The following ECI2 variants were observed in gnomAD, a reference collection of about 807,000 sequenced individuals.
ECI2 encodes D3,D2-enoyl-CoA isomerase.
ECI2 carries 27 observed loss-of-function variants against 38.4 expected under a neutral mutation model. The observed-to-expected ratio is 0.70, with a 90% CI of 0.52 to 0.97. The LOEUF (loss-of-function observed/expected upper bound fraction) is 0.97. ECI2 is among the 50% of genes least tolerant of loss of function. The probability of loss-of-function intolerance (pLI) is 0.00; values close to 1 mark genes in which losing one functional copy is unlikely to be tolerated. For synonymous variants in ECI2, 168 were observed against 172.0 expected, an observed-to-expected ratio of 0.98 and a Z score of 0.18; for missense variants, 470 against 474.4, an observed-to-expected ratio of 0.99 and a Z score of 0.09.
intron 4 of ECI2, among the ~76,000 whole-genome samples, chr6:4,129,156 G>T (rs1773367761): frequency 6.7e-6 from 1 of 150,342 alleles, no homozygotes; most frequent in South Asian, 2.1e-4. Context: ...CTCATTGCGA[G>T]GCCCAGGCTA....
chr6:4,127,694 A>C, intron 5 of ECI2, 68 bp downstream of exon 5: 3 of 1,531,350 alleles, frequency 2.0e-6, no homozygotes, highest in Non-Finnish European at 2.7e-6. Context: ...TTTTTAACTC[A>C]ATTTCCTATC....
rs1215704339 is a variant in ECI2 at position 4,117,385 on chromosome 6, T to C, written c.952A>G (p.Thr318Ala). ...AAAGTGCTATCAGGGAAAACTTCAGTAACAAGTCCTTGAGCACATGCCTCT... is the reference window on the plus strand; with the variant it reads ...AAAGTGCTATCAGGGAAAACTTCAGCAACAAGTCCTTGAGCACATGCCTCT... ...AGEACAQGLV[T>A]EVFPDSTFQK... is the part of the protein sequence containing the mutation. Residue 318 changes from threonine to alanine, a missense_variant, in exon 9 of 10, where the codon ACT (threonine) becomes GCT (alanine). Transcript: ENST00000380118. The C allele has an allele frequency of 4.3e-6, 7 of 1,614,048 alleles. No individual in the cohort carries two copies. The South Asian group carries it at 6.6e-5, about 15-fold the overall frequency.
intron 7 of ECI2, among the ~76,000 whole-genome samples, chr6:4,122,724 G>A (rs1215455031): frequency 2.0e-5 from 3 of 152,164 alleles, no homozygotes; most frequent in African/African-American, 4.8e-5. Context: ...TTGAACTCCC[G>A]ACCTCAGGTG....
At chr6:4,119,798 G>A (rs1033899637) in intron 7 of ECI2, among the ~76,000 whole-genome samples, 8 of 152,170 alleles carry the variant, frequency 5.3e-5, no homozygotes, top group Non-Finnish European at 7.4e-5. Flanking sequence ...ACTGACATGC[G>A]GAACATTTCA....
chr6:4,125,398 A>G (rs757679715), intron 6 of ECI2, 28 bp from the exon 7 acceptor site: 1 of 1,613,230 alleles, frequency 6.2e-7, no homozygotes, highest in Admixed American at 1.7e-5. Flanking sequence ...CAAAATCATT[A>G]AATGTGCCAA....
At position 4,133,581 on chromosome 6, in the gene ECI2, C is replaced by T. The variant is rs1205660481; in HGVS notation, c.181G>A (p.Val61Met). 1 of 1,612,926 alleles carries T rather than the reference C, an allele frequency of 6.2e-7. No individual in the cohort carries two copies. Among genetic ancestry groups the T allele is most frequent in the African/African-American group, 1.3e-5 (1 of 74,942 alleles). Residue 61 changes from valine (V) to methionine (M), a missense_variant, in exon 2 of 10, where the codon GTG (valine) becomes ATG (methionine). Transcript: ENST00000380118. ...KLLKKDPGNE[V>M]KLKLYALYKQ... ...TATAGCGCGTAGAGTTTTAGCTTCA[C>T]TTCGTTTCCTGGATCCTTTTTCAAG...
Position 4,115,784 on chromosome 6 carries a change from G to T in ECI2, c.*90C>A. The stretch of plus-strand genomic sequence containing the variant: ...AATTGATATTCTAGCACTACAAAAG[G>T]CACAATGAAGCTTATTTAGTTCCAG... On this transcript the variant is annotated 3_prime_UTR_variant, in exon 10 of 10. Transcript: ENST00000380118. 1 of 1,497,666 alleles carries T rather than the reference G, an allele frequency of 6.7e-7. No homozygotes were observed. 92.8% of individuals were successfully genotyped at this position (1,497,666 alleles called of 1,614,324 possible). A position where few individuals can be genotyped will look rare whatever the true frequency, so the allele number is the denominator to read the frequency against.
chr6:4,128,214 G>A (rs1236717155), intron 4 of ECI2, among the ~76,000 whole-genome samples: 2 of 151,906 alleles, frequency 1.3e-5, no homozygotes, highest in South Asian at 4.2e-4. Context: ...CTCAGAGGAG[G>A]TGCTGAGGCT....
chr6:4,122,393 G>A (rs1186755252), intron 7 of ECI2, among the ~76,000 whole-genome samples: 3 of 152,034 alleles, frequency 2.0e-5, no homozygotes, highest in African/African-American at 7.2e-5. Flanking sequence ...GCTCATTTTT[G>A]TATTTTTAGT....
chr6:4,125,051 C>G, intron 7 of ECI2, 199 bp downstream of exon 7: 3 of 853,892 alleles, frequency 3.5e-6, no homozygotes, highest in Non-Finnish European at 5.5e-6. Context: ...GAACAATGTT[C>G]ACAACAAAAT....
intron 6 of ECI2, 66 bp from the exon 7 acceptor site, chr6:4,125,436 C>G (rs1773085131): frequency 6.3e-7 from 1 of 1,596,434 alleles, no homozygotes; most frequent in Non-Finnish European, 8.5e-7. Flanking sequence ...ATGGGCAAGA[C>G]AGTCTGACTC....
intron 4 of ECI2, among the ~76,000 whole-genome samples, chr6:4,129,752 A>G (rs1773405028): frequency 1.3e-5 from 2 of 152,198 alleles, no homozygotes; most frequent in Admixed American, 6.5e-5. Context: ...TATTGACCCA[A>G]TGGTCATAGT....
chr6:4,126,259 G>T, intron 5 of ECI2, 22 bp from the exon 6 acceptor site: 1 of 1,581,886 alleles, frequency 6.3e-7, no homozygotes, highest in Non-Finnish European at 8.7e-7. Context: ...AAAATCAACA[G>T]ATCCCTCATT....
At chr6:4,122,158 G>T (rs990243362) in intron 7 of ECI2, 1 of 528,144 alleles carries the variant, frequency 1.9e-6, no homozygotes, top group Non-Finnish European at 3.3e-6. Context: ...GGGACGTTGG[G>T]AAAGTTTCTT....
intron 7 of ECI2, 66 bp downstream of exon 7, chr6:4,125,184 G>A: frequency 1.3e-6 from 2 of 1,589,208 alleles, no homozygotes; most frequent in South Asian, 1.1e-5. Context: ...CAACGCTGAA[G>A]GAGGATTCAA....
intron 2 of ECI2, among the ~76,000 whole-genome samples, chr6:4,131,864 C>T (rs1400253396): frequency 7.0e-6 from 1 of 143,416 alleles, no homozygotes; most frequent in Admixed American, 6.9e-5. Context: ...CTCAAAAAAA[C>T]AAAATAAAAA....
chr6:4,128,175 G>A lies in ECI2; in HGVS notation c.502-344C>T, dbSNP rs766520162. ...GGAATTAACATGTTCAAATGAGGAG[G>A]GGGTTGGAAAGTACAAAGTAGCAGG... On this transcript the variant is annotated intron_variant, in intron 4 of 9. Coordinates refer to ENST00000380118, the MANE Select transcript of ECI2 (RefSeq NM_206836.3). Among the ~76,000 whole-genome samples, 109 of 151,828 alleles carry A rather than the reference G, an allele frequency of 7.2e-4. 1 individual carries two copies. The highest frequency in any genetic ancestry group is 2.1e-3 in the South Asian group (10 of 4,792).
chr6:4,115,747 TATC>T lies in ECI2; in HGVS notation c.*124_*126del. ...TTTATTCATCAGAGCTGTAGTGAAA[TATC>T]ATCATTGTAATTGATATTCTAGCAC... On this transcript the variant is annotated 3_prime_UTR_variant, in exon 10 of 10. Transcript: ENST00000380118. 7.4e-7 allele frequency: 1 copy of T among 1,359,134 alleles called. No individual in the cohort carries two copies. The highest frequency in any genetic ancestry group is 1.0e-6 in the Non-Finnish European group (1 of 988,018). 84.2% of individuals were successfully genotyped at this position (1,359,134 alleles called of 1,614,324 possible).
At chr6:4,126,380 A>G in intron 5 of ECI2, 143 bp from the exon 6 acceptor site, 1 of 647,830 alleles carries the variant, frequency 1.5e-6, no homozygotes, top group Non-Finnish European at 2.7e-6. Flanking sequence ...CAAACTAGTG[A>G]GTACGCTGGA....
Sources: allele counts gnomAD v4.1 joint callset (sites outside exome capture counted in the v4.1 genomes callset), GRCh38; gene constraint gnomAD v4.1.1; transcripts MANE v1.5; gene names NCBI Gene and HGNC (gene_info 2026-07-23, HGNC 2026-07-21).